Variants in SDCCAG8 observed in about 807,000 individuals in gnomAD.
SDCCAG8 encodes the protein SHH signaling and ciliogenesis regulator SDCCAG8.
SDCCAG8 carries 74 observed loss-of-function variants against 101.8 expected under a neutral mutation model. The ratio of observed to expected loss-of-function variants is 0.73; its 90% CI spans 0.60 to 0.88. The LOEUF is 0.88. Ranked by LOEUF, SDCCAG8 falls within the 40% of genes least tolerant of loss-of-function variation. The probability of loss-of-function intolerance (pLI) is 0.00; values close to 1 mark genes in which losing one functional copy is unlikely to be tolerated. For missense variants in SDCCAG8, 787 were observed against 822.6 expected, an observed-to-expected ratio of 0.96 and a Z score of 0.53; for synonymous variants, 281 against 292.9, an observed-to-expected ratio of 0.96 and a Z score of 0.41.
At chr1:243,295,686 C>G (rs2070801663) in intron 6 of SDCCAG8, among the ~76,000 whole-genome samples, 1 of 152,200 alleles carries the variant, frequency 6.6e-6, no homozygotes, top group Non-Finnish European at 1.5e-5. Context: ...ATGTTCCCTT[C>G]TTACCCTCTA....
chr1:243,283,865 CG>C (rs1190310192), intron 4 of SDCCAG8, among the ~76,000 whole-genome samples: 1 of 152,110 alleles, frequency 6.6e-6, no homozygotes, highest in Non-Finnish European at 1.5e-5. Context: ...CTCAGCCTCC[CG>C]AGTGGCTGGG....
At chr1:243,410,365 C>T (rs992975509) in intron 13 of SDCCAG8, among the ~76,000 whole-genome samples, 4 of 152,170 alleles carry the variant, frequency 2.6e-5, no homozygotes, top group Non-Finnish European at 4.4e-5. Context: ...AAACTCACAT[C>T]GGTACCCAGC....
intron 16 of SDCCAG8, among the ~76,000 whole-genome samples, chr1:243,460,287 G>A (rs1658804211): frequency 6.6e-6 from 1 of 152,012 alleles, no homozygotes; most frequent in East Asian, 1.9e-4. Flanking sequence ...CAAAATGGAT[G>A]ATTTCTTATT....
At chr1:243,457,539 T>C (rs1185850037) in intron 16 of SDCCAG8, among the ~76,000 whole-genome samples, 3 of 152,218 alleles carry the variant, frequency 2.0e-5, no homozygotes, top group Non-Finnish European at 1.5e-5. Context: ...CATCATGCAT[T>C]GAGGATTAGG....
intron 16 of SDCCAG8, among the ~76,000 whole-genome samples, chr1:243,433,375 A>AG (rs1233933301): frequency 6.7e-6 from 1 of 150,192 alleles, no homozygotes; most frequent in Admixed American, 6.6e-5. Context: ...AAAAAAAAAA[A>AG]GGATATACTC....
At chr1:243,319,708 CT>C (rs1210610167) in intron 9 of SDCCAG8, among the ~76,000 whole-genome samples, 1 of 152,112 alleles carries the variant, frequency 6.6e-6, no homozygotes, top group African/African-American at 2.4e-5. Flanking sequence ...TCCTTTTCCT[CT>C]TCATTCTATC....
At chr1:243,269,220 C>T (rs1360725722) in intron 1 of SDCCAG8, 1 of 151,252 alleles carries the variant, frequency 6.6e-6, no homozygotes, top group East Asian at 1.9e-4. Flanking sequence ...TTATTGCATT[C>T]TATTGGTTAA....
chr1:243,293,078 C>T lies in SDCCAG8; in HGVS notation c.547-13C>T. 6.2e-7 allele frequency: 1 copy of T among 1,613,958 alleles called. No homozygotes were observed. Among genetic ancestry groups the T allele is most frequent in the South Asian group, 1.1e-5 (1 of 91,068 alleles). ...TTGAATTCAGTTGCAGTTACTGGCACATTTTATTTTAGGGAAACATGCACA... is the reference window on the plus strand; with the variant it reads ...TTGAATTCAGTTGCAGTTACTGGCATATTTTATTTTAGGGAAACATGCACA... On this transcript the variant is annotated splice_polypyrimidine_tract_variant and intron_variant, in intron 5 of 17. Transcript: ENST00000366541.
At chr1:243,483,503 A>T (rs2148237463) in intron 16 of SDCCAG8, among the ~76,000 whole-genome samples, 1 of 152,208 alleles carries the variant, frequency 6.6e-6, no homozygotes, top group Admixed American at 6.5e-5. Flanking sequence ...TCTGCCGTGA[A>T]GATTGCCCCT....
At chr1:243,345,846 A>G (rs1573454894) in intron 12 of SDCCAG8, among the ~76,000 whole-genome samples, 1 of 152,356 alleles carries the variant, frequency 6.6e-6, no homozygotes, top group African/African-American at 2.4e-5. Flanking sequence ...GATGGTATGG[A>G]GGCTAAAGTT....
intron 16 of SDCCAG8, among the ~76,000 whole-genome samples, chr1:243,469,997 CAAA>C (rs59173777): frequency 7.1e-6 from 1 of 141,764 alleles, no homozygotes; most frequent in Non-Finnish European, 1.6e-5. Flanking sequence ...TCTTTGTTAC[CAAA>C]AAAAAAAAAG....
intron 1 of SDCCAG8, among the ~76,000 whole-genome samples, chr1:243,260,122 A>G (rs1188691089): frequency 1.3e-5 from 2 of 152,214 alleles, no homozygotes; most frequent in Admixed American, 6.5e-5. Flanking sequence ...GGAGACATTT[A>G]ATGATTCTTC....
intron 10 of SDCCAG8, among the ~76,000 whole-genome samples, chr1:243,336,579 G>A (rs1340173296): frequency 2.0e-5 from 3 of 152,192 alleles, no homozygotes; most frequent in South Asian, 2.1e-4. Flanking sequence ...AGGGGGAAGC[G>A]CTACACACTT....
chr1:243,314,023 A>G (rs1195838037), intron 8 of SDCCAG8, among the ~76,000 whole-genome samples: 1 of 152,196 alleles, frequency 6.6e-6, no homozygotes, highest in African/African-American at 2.4e-5. Flanking sequence ...TTCTAAAAAA[A>G]TTATTTGTGG....
chr1:243,489,164 G>A (rs756152387), intron 17 of SDCCAG8, 24 bp downstream of exon 17: 5 of 1,610,008 alleles, frequency 3.1e-6, no homozygotes, highest in Middle Eastern at 2.1e-4. Flanking sequence ...CGCGGCGCAG[G>A]TGGGAGTCCT....
chr1:243,360,131 A>C (rs2076612021), intron 12 of SDCCAG8, among the ~76,000 whole-genome samples: 1 of 139,218 alleles, frequency 7.2e-6, no homozygotes, highest in Non-Finnish European at 1.5e-5. Flanking sequence ...CAGCTGTGTT[A>C]TTGCAACAGT....
chr1:243,398,924 A>T (rs1404818396), intron 13 of SDCCAG8, among the ~76,000 whole-genome samples: 1 of 152,238 alleles, frequency 6.6e-6, no homozygotes, highest in African/African-American at 2.4e-5. Flanking sequence ...TTCAGTCAAC[A>T]TTTATTGAGC....
chr1:243,476,999 TACACAC>T (rs531152514), intron 16 of SDCCAG8, among the ~76,000 whole-genome samples: 8 of 102,320 alleles, frequency 7.8e-5, no homozygotes, highest in African/African-American at 1.6e-4. Flanking sequence ...ACTGGTTCTG[TACACAC>T]ACACACACAC....
chr1:243,411,743 C>T (rs1011403272), intron 13 of SDCCAG8, among the ~76,000 whole-genome samples: 1 of 152,146 alleles, frequency 6.6e-6, no homozygotes, highest in Non-Finnish European at 1.5e-5. Context: ...GAGGTTCAGC[C>T]AAGTGCTGTA....
Sources: allele counts gnomAD v4.1 joint callset (sites outside exome capture counted in the v4.1 genomes callset), GRCh38; gene constraint gnomAD v4.1.1; transcripts MANE v1.5; gene names NCBI Gene and HGNC (gene_info 2026-07-23, HGNC 2026-07-21).